The following DDX24 variants were observed in gnomAD, a reference collection of about 807,000 sequenced individuals.
DDX24 encodes DEAD-box helicase 24.
DDX24 carries 24 observed loss-of-function variants against 68.9 expected under a neutral mutation model. The ratio of observed to expected loss-of-function variants is 0.35; its 90% CI spans 0.25 to 0.49. The LOEUF (loss-of-function observed/expected upper bound fraction) is 0.49. Among genes scored for constraint, DDX24 ranks in the 20% least tolerant of loss-of-function variants. The probability of loss-of-function intolerance (pLI) is 0.99; values close to 1 mark genes in which losing one functional copy is unlikely to be tolerated. For missense variants in DDX24, 989 were observed against 1,039.0 expected, an observed-to-expected ratio of 0.95 and a Z score of 0.66; for synonymous variants, 395 against 385.2, an observed-to-expected ratio of 1.03 and a Z score of -0.30.
At chr14:94,063,147 A>C (rs1885631227) in intron 2 of DDX24, among the ~76,000 whole-genome samples, 1 of 152,252 alleles carries the variant, frequency 6.6e-6, no homozygotes, top group Non-Finnish European at 1.5e-5. Context: ...GAAGTTCCAA[A>C]GTGATAATGC....
chr14:94,064,541 T>G (rs915202547), intron 2 of DDX24, among the ~76,000 whole-genome samples: 1 of 152,190 alleles, frequency 6.6e-6, no homozygotes, highest in Non-Finnish European at 1.5e-5. Context: ...TAATCAATTA[T>G]CAATCATGCC....
In DDX24 at chr14:94,065,852, C is replaced by T. The variant is rs143052292; in HGVS notation, c.719-3231G>A. Among the ~76,000 whole-genome samples, 1,471 of 152,278 alleles carry T rather than the reference C, an allele frequency of 9.7e-3. 18 individuals are homozygous for T. Among genetic ancestry groups the T allele is most frequent in the African/African-American group, 0.034 (1,402 of 41,560 alleles). ...AAGCAGCAGAAAGGCCCTGGGAGCT[C>T]GCTGGGTCCCCAAGCAGCCCATTCC... On this transcript the variant is annotated intron_variant, in intron 2 of 8. Coordinates refer to ENST00000621632, the MANE Select transcript of DDX24 (RefSeq NM_020414.4).
In DDX24 at chr14:94,049,737, A is replaced by AAG; in HGVS notation, c.*1453_*1454insCT. The AAG allele has an allele frequency of 6.6e-6, 1 of 151,170 alleles. No homozygotes were observed. Among genetic ancestry groups the AAG allele is most frequent in the East Asian group, 2.0e-4 (1 of 5,120 alleles). 9.4% of individuals were successfully genotyped at this position (151,170 alleles called of 1,614,324 possible). A position where few individuals can be genotyped will look rare whatever the true frequency, so the allele number is the denominator to read the frequency against. On this transcript the variant is annotated 3_prime_UTR_variant, in exon 9 of 9. Coordinates refer to ENST00000621632, the MANE Select transcript of DDX24 (RefSeq NM_020414.4). ...TAGTGAGACCCCATCTCTACTAAAA[A>AAG]AAAAAAATTCAGCCAGGTGTGGTGG...
chr14:94,080,916 A>C (rs1595383269), intron 1 of DDX24, among the ~76,000 whole-genome samples: 2 of 152,134 alleles, frequency 1.3e-5, no homozygotes, highest in Admixed American at 6.5e-5. Context: ...CGAGAAGCCA[A>C]GGCCGTCAGG....
In DDX24 at chr14:94,079,701, G is replaced by C. The variant is rs79048773; in HGVS notation, c.42C>G (p.Ser14Arg). The C allele has an allele frequency of 7.1e-3, 11,432 of 1,614,044 alleles. 282 individuals are homozygous for C. The East Asian group carries it at 0.099, about 14-fold the overall frequency. ...KDTKSRPKQSSCGKFQTKGIK... is the reference protein window; with the variant it reads ...KDTKSRPKQSRCGKFQTKGIK... The stretch of plus-strand genomic sequence containing the variant: ...TTCCCTTTGTCTGAAATTTGCCACA[G>C]CTTGACTGCTTTGGCCTTGATTTTG... The change falls in exon 2 of 9, where the codon AGC becomes AGG. Residue 14 changes from serine to arginine, a missense_variant. This residue lies in a region of DDX24 where 295 missense variants were observed against 263.0 expected (regional missense o/e 1.12). Coordinates refer to ENST00000621632, the MANE Select transcript of DDX24 (RefSeq NM_020414.4).
At chr14:94,075,811 A>G (rs1885926579) in intron 2 of DDX24, among the ~76,000 whole-genome samples, 1 of 152,230 alleles carries the variant, frequency 6.6e-6, no homozygotes, top group Admixed American at 6.5e-5. Context: ...AAACTCTACA[A>G]CAGAACATCC....
intron 2 of DDX24, among the ~76,000 whole-genome samples, chr14:94,073,861 G>A (rs1195577762): frequency 6.6e-6 from 1 of 151,922 alleles, no homozygotes; most frequent in Non-Finnish European, 1.5e-5. Flanking sequence ...GGTTAACACG[G>A]TGAAACCCTG....
chr14:94,067,368 T>C (rs1463221064), intron 2 of DDX24, among the ~76,000 whole-genome samples: 1 of 152,110 alleles, frequency 6.6e-6, no homozygotes, highest in East Asian at 1.9e-4. Context: ...ATAATCGGTG[T>C]ACCTGAGGAA....
intron 2 of DDX24, among the ~76,000 whole-genome samples, chr14:94,074,304 A>G (rs140318172): frequency 5.9e-4 from 90 of 152,306 alleles, no homozygotes; most frequent in African/African-American, 2.0e-3. Flanking sequence ...TCCCATGAAC[A>G]TAAGTTCAAA....
chr14:94,065,948 G>T (rs955621300), intron 2 of DDX24, among the ~76,000 whole-genome samples: 2 of 152,182 alleles, frequency 1.3e-5, no homozygotes, highest in African/African-American at 4.8e-5. Flanking sequence ...CAGAAAGAAG[G>T]CATTCTCTAG....
At chr14:94,053,220 C>A in intron 7 of DDX24, 93 bp from the exon 8 acceptor site, 2 of 1,553,678 alleles carry the variant, frequency 1.3e-6, no homozygotes, top group Non-Finnish European at 1.8e-6. Context: ...GTGTTTAAGG[C>A]AGGTATCACT....
chr14:94,051,291 T>C lies in DDX24; in HGVS notation c.2480A>G (p.Glu827Gly). 1.2e-6 allele frequency: 2 copies of C among 1,612,628 alleles called. No homozygotes were observed. The highest frequency in any genetic ancestry group is 1.7e-6 in the Non-Finnish European group (2 of 1,179,648). The stretch of plus-strand genomic sequence containing the variant: ...CTTGGAGAGACAGCTCAAAGCAGAC[T>C]CGCTCTTACTTGGGGCAGACACAAG... Reference protein sequence around the residue: ...PLLVSAPSKSESALSCLSKQK... With the variant: ...PLLVSAPSKSGSALSCLSKQK... Residue 827 changes from glutamate (E) to glycine (G), a missense_variant, in exon 9 of 9, where the codon GAG becomes GGG. By Grantham distance (98) the Glu-to-Gly change is moderately conservative (BLOSUM62 -2). Around this residue, in one of 3 missense-constraint regions of DDX24, gnomAD observed 691 missense variants for 760.0 expected, o/e 0.91. Transcript: ENST00000621632.
chr14:94,055,222 C>T (rs1885470660), intron 6 of DDX24, 38 bp from the exon 7 acceptor site: 3 of 1,590,148 alleles, frequency 1.9e-6, no homozygotes, highest in East Asian at 2.2e-5. Flanking sequence ...TACATGGCCA[C>T]TGCCAAACAC....
intron 1 of DDX24, among the ~76,000 whole-genome samples, chr14:94,080,646 G>A (rs1047630773): frequency 2.0e-5 from 3 of 152,064 alleles, no homozygotes; most frequent in Non-Finnish European, 4.4e-5. Flanking sequence ...GGCGCCCGGC[G>A]AGGAGAGCAC....
At chr14:94,074,953 A>G (rs998205032) in intron 2 of DDX24, among the ~76,000 whole-genome samples, 2 of 152,222 alleles carry the variant, frequency 1.3e-5, no homozygotes, top group African/African-American at 2.4e-5. Context: ...TAAATCTAAC[A>G]TAAGATGTGA....
rs992815667 is a variant in DDX24, at chr14:94,060,677, C to T, written c.1398-64G>A. Reference sequence around the variant, plus strand: ...GGGTTAAGAGGAATCATCTATAGCACACCCTACACTCATCCTAAACACACA... The same window carrying T: ...GGGTTAAGAGGAATCATCTATAGCATACCCTACACTCATCCTAAACACACA... On this transcript the variant is annotated intron_variant, in intron 4 of 8. Transcript: ENST00000621632. 9 of 1,563,526 alleles carry T rather than the reference C, an allele frequency of 5.8e-6. No individual in the cohort carries two copies. The Admixed American group carries it at 1.2e-4, about 22-fold the overall frequency.
chr14:94,078,369 C>G (rs1183039565), intron 2 of DDX24, among the ~76,000 whole-genome samples: 2 of 152,196 alleles, frequency 1.3e-5, no homozygotes, highest in South Asian at 4.1e-4. Context: ...GTTCCTCCCC[C>G]AAGTCAGCAG....
Position 94,079,153 on chromosome 14 carries a change from A to T in DDX24, c.590T>A (p.Leu197Gln), listed in dbSNP as rs776486796. 6.2e-7 allele frequency: 1 copy of T among 1,614,230 alleles called. No homozygotes were observed. The highest frequency in any genetic ancestry group is 8.5e-7 in the Non-Finnish European group (1 of 1,180,044). Residue 197 changes from leucine (L) to glutamine (Q), a missense_variant, in exon 2 of 9, where the codon CTG (leucine) becomes CAG (glutamine). By Grantham distance (113) the Leu-to-Gln change is moderately radical. Around this residue, in one of 3 missense-constraint regions of DDX24, gnomAD observed 295 missense variants for 263.0 expected, o/e 1.12. Transcript: ENST00000621632. ...QKADVSAWKD[L>Q]FVPRPVLRAL... Reference sequence around the variant, plus strand: ...TCGGAGAACCGGCCTGGGAACAAACAGGTCCTTCCAAGCTGACACATCTGC... The same window carrying T: ...TCGGAGAACCGGCCTGGGAACAAACTGGTCCTTCCAAGCTGACACATCTGC...
At chr14:94,054,885 G>A in intron 7 of DDX24, 111 bp downstream of exon 7, 1 of 1,245,046 alleles carries the variant, frequency 8.0e-7, no homozygotes, top group South Asian at 1.4e-5. Flanking sequence ...GCTGTTGGCA[G>A]AACCATTCCT....
Sources: gnomAD v4.1 joint callset for allele counts (sites outside exome capture counted in the v4.1 genomes callset) on GRCh38, gnomAD v4.1.1 for gene constraint, gnomAD v4.1.1 regional missense constraint, MANE v1.5 for transcripts, NCBI Gene and HGNC (gene_info 2026-07-23, HGNC 2026-07-21) for gene names.